Variants in CHODL observed in about 807,000 individuals in gnomAD.
CHODL encodes chondrolectin.
CHODL carries 29 observed loss-of-function variants against 34.5 expected under a neutral mutation model. The observed-to-expected ratio is 0.84, with a 90% CI of 0.63 to 1.15. CHODL has a LOEUF of 1.15. Ranked by LOEUF, CHODL falls within the 50% of genes most tolerant of loss-of-function variation. CHODL has a pLI of 0.00. For synonymous variants in CHODL, 125 were observed against 116.1 expected, an observed-to-expected ratio of 1.08 and a Z score of -0.49; for missense variants, 332 against 332.5, an observed-to-expected ratio of 1.00 and a Z score of 0.01.
intron 2 of CHODL, among the ~76,000 whole-genome samples, chr21:18,172,155 T>G (rs1039374180): frequency 1.3e-5 from 2 of 152,178 alleles, no homozygotes; most frequent in Non-Finnish European, 2.9e-5. Context: ...GCTTTTCCTT[T>G]TATTTTTTTT....
intron 2 of CHODL, among the ~76,000 whole-genome samples, chr21:18,032,010 T>G (rs2064253745): frequency 6.6e-6 from 1 of 152,116 alleles, no homozygotes; most frequent in South Asian, 2.1e-4. Context: ...CTACTGCAGA[T>G]TACCAGTCAT....
upstream of CHODL, among the ~76,000 whole-genome samples, chr21:18,240,806 G>A (rs974049862): frequency 6.6e-6 from 1 of 152,026 alleles, no homozygotes; most frequent in Admixed American, 6.6e-5. Flanking sequence ...AGATCTGATA[G>A]GATATATTAC....
intron 2 of CHODL, among the ~76,000 whole-genome samples, chr21:18,192,885 A>T: frequency 6.6e-6 from 1 of 151,160 alleles, no homozygotes; most frequent in East Asian, 2.0e-4. Context: ...GAAAAGAAAG[A>T]GATTAATTTC....
chr21:18,107,014 A>C (rs1354679969), intron 2 of CHODL, among the ~76,000 whole-genome samples: 2 of 152,220 alleles, frequency 1.3e-5, no homozygotes, highest in African/African-American at 4.8e-5. Context: ...CATAACTATT[A>C]TGATAAGAAG....
chr21:18,129,301 G>A (rs2072623473), intron 2 of CHODL, among the ~76,000 whole-genome samples: 1 of 151,392 alleles, frequency 6.6e-6, no homozygotes. Context: ...CCATTACTTT[G>A]TGGGATTGCT....
chr21:17,964,157 G>T (rs1010491168), intron 1 of CHODL, among the ~76,000 whole-genome samples: 1 of 152,050 alleles, frequency 6.6e-6, no homozygotes, highest in African/African-American at 2.4e-5. Flanking sequence ...CTTTGAAGCC[G>T]AAATGAAATA....
rs564653345 is a variant in CHODL at position 18,246,024 on chromosome 21, G to A, written c.79+722G>A. ...GTGCATGGGAAATCGATCAAAATTGGCAAGCTTCCCAGGTTGTCTTTGATT... is the reference window on the plus strand; with the variant it reads ...GTGCATGGGAAATCGATCAAAATTGACAAGCTTCCCAGGTTGTCTTTGATT... On this transcript the variant is annotated intron_variant, in intron 1 of 5. Coordinates refer to ENST00000299295, the MANE Select transcript of CHODL (RefSeq NM_024944.3). The A allele has an allele frequency of 4.7e-5, 57 of 1,200,666 alleles. 1 individual carries two copies. The East Asian group carries it at 9.1e-4, about 19-fold the overall frequency. 74.4% of individuals were successfully genotyped at this position (1,200,666 alleles called of 1,614,324 possible).
chr21:18,093,433 C>T (rs906713663), intron 2 of CHODL, among the ~76,000 whole-genome samples: 1 of 151,890 alleles, frequency 6.6e-6, no homozygotes, highest in Admixed American at 6.6e-5. Flanking sequence ...CACAGAAAAC[C>T]ACAGAATAGT....
At chr21:18,027,946 A>G (rs966320941) in exon 2 of CHODL, 1 of 152,602 alleles carries the variant, frequency 6.6e-6, no homozygotes, top group African/African-American at 2.4e-5. Context: ...CAGCACGTTG[A>G]TTCTGAACTT....
chr21:17,980,576 G>A lies in CHODL; in HGVS notation c.-144-47296G>A, dbSNP rs148655761. Among the ~76,000 whole-genome samples, 1,479 of 152,306 alleles carry A rather than the reference G, an allele frequency of 9.7e-3. 24 individuals carry two copies. The highest frequency in any genetic ancestry group is 0.028 in the African/African-American group (1,159 of 41,562). ...TAAGTGCCAGGTTGTAGTTGGAGGA[G>A]AGAGAGTGAGATGTGAAGAGGAAAA... On this transcript the variant is annotated intron_variant, in intron 1 of 6. Coordinates refer to the CHODL transcript ENST00000400127.
chr21:17,999,244 C>A (rs1883248354), intron 1 of CHODL, among the ~76,000 whole-genome samples: 1 of 152,220 alleles, frequency 6.6e-6, no homozygotes, highest in Non-Finnish European at 1.5e-5. Context: ...CCATCTGAGA[C>A]CACCTCAGCC....
intron 1 of CHODL, among the ~76,000 whole-genome samples, chr21:18,018,494 C>A (rs2064096523): frequency 6.6e-6 from 1 of 152,098 alleles, no homozygotes; most frequent in African/African-American, 2.4e-5. Flanking sequence ...CCTTCACCCC[C>A]ACTCTCTCTT....
intron 2 of CHODL, among the ~76,000 whole-genome samples, chr21:18,069,903 C>T (rs977450056): frequency 6.6e-6 from 1 of 151,824 alleles, no homozygotes; most frequent in Non-Finnish European, 1.5e-5. Flanking sequence ...AGCCTCTGCA[C>T]CAGCCCAAAC....
At chr21:18,160,965 C>T (rs2073088647) in intron 2 of CHODL, among the ~76,000 whole-genome samples, 1 of 152,150 alleles carries the variant, frequency 6.6e-6, no homozygotes, top group African/African-American at 2.4e-5. Flanking sequence ...TATAAGTGTT[C>T]CTTTTTCTCC....
chr21:18,065,393 A>C (rs572487605), intron 2 of CHODL, among the ~76,000 whole-genome samples: 1 of 152,326 alleles, frequency 6.6e-6, no homozygotes, highest in East Asian at 1.9e-4. Flanking sequence ...TGCATAAATG[A>C]GTGCATAAAA....
chr21:18,221,840 A>G (rs1225492034), intron 2 of CHODL, among the ~76,000 whole-genome samples: 1 of 152,220 alleles, frequency 6.6e-6, no homozygotes, highest in African/African-American at 2.4e-5. Context: ...CACAGACACC[A>G]TTAGGGGCAG....
intron 1 of CHODL, among the ~76,000 whole-genome samples, chr21:18,003,076 A>G (rs2063924366): frequency 6.7e-6 from 1 of 150,350 alleles, no homozygotes; most frequent in South Asian, 2.1e-4. Context: ...GTGAGCCGAG[A>G]TCGCGCCACT....
At chr21:18,247,240 G>C (rs1044244362) in intron 1 of CHODL, among the ~76,000 whole-genome samples, 8 of 152,164 alleles carry the variant, frequency 5.3e-5, no homozygotes, top group Non-Finnish European at 1.0e-4. Context: ...TCAATTTTTC[G>C]TGCCACTTGG....
intron 2 of CHODL, among the ~76,000 whole-genome samples, chr21:18,205,823 G>A (rs2073705736): frequency 6.7e-6 from 1 of 149,696 alleles, no homozygotes; most frequent in Non-Finnish European, 1.5e-5. Flanking sequence ...TGCAACCTCA[G>A]CCTCCCACGT....
Sources: gnomAD v4.1 joint callset for allele counts (sites outside exome capture counted in the v4.1 genomes callset) on GRCh38, gnomAD v4.1.1 for gene constraint, MANE v1.5 for transcripts, NCBI Gene and HGNC (gene_info 2026-07-23, HGNC 2026-07-21) for gene names.